The following HIVEP3 variants were observed in gnomAD, a reference collection of about 807,000 sequenced individuals.
HIVEP3 encodes transcription factor HIVEP3.
HIVEP3 carries 49 observed loss-of-function variants against 152.8 expected under a neutral mutation model. The observed-to-expected ratio is 0.32, with a 90% CI of 0.26 to 0.41. HIVEP3 has a LOEUF of 0.41. Ranked by LOEUF, HIVEP3 falls within the 10% of genes least tolerant of loss-of-function variation. The probability of loss-of-function intolerance (pLI) is 1.00; values close to 1 mark genes in which losing one functional copy is unlikely to be tolerated. For synonymous variants in HIVEP3, 1,269 were observed against 1,289.0 expected, an observed-to-expected ratio of 0.98 and a Z score of 0.33; for missense variants, 2,790 against 3,103.3, an observed-to-expected ratio of 0.90 and a Z score of 2.40.
At chr1:41,882,957 G>A (rs542423153) in intron 1 of HIVEP3, among the ~76,000 whole-genome samples, 4 of 152,268 alleles carry the variant, frequency 2.6e-5, no homozygotes, top group African/African-American at 9.6e-5. Flanking sequence ...CTGGCTTTCT[G>A]TCTAGAAATT....
chr1:41,913,510 C>T (rs1357976133), intron 1 of HIVEP3, among the ~76,000 whole-genome samples: 5 of 152,158 alleles, frequency 3.3e-5, no homozygotes, highest in African/African-American at 1.2e-4. Flanking sequence ...GATCCTCCCG[C>T]CTCTGTCTCC....
intron 1 of HIVEP3, among the ~76,000 whole-genome samples, chr1:41,962,082 T>C (rs1377555214): frequency 6.6e-6 from 1 of 152,174 alleles, no homozygotes; most frequent in Admixed American, 6.5e-5. Context: ...ATTGGAGGGG[T>C]ACTGATGCAT....
At chr1:41,573,048 CT>C (rs1644273739) in intron 5 of HIVEP3, among the ~76,000 whole-genome samples, 1 of 152,214 alleles carries the variant, frequency 6.6e-6, no homozygotes, top group Non-Finnish European at 1.5e-5. Context: ...TTTCTTCTTC[CT>C]CTCTCAGCCT....
chr1:41,545,433 A>G (rs1346883368), intron 5 of HIVEP3, among the ~76,000 whole-genome samples: 2 of 138,160 alleles, frequency 1.4e-5, no homozygotes, highest in Non-Finnish European at 3.1e-5. Flanking sequence ...AATCACCACC[A>G]CCACCACCTC....
chr1:41,552,575 C>G (rs1336060298), intron 5 of HIVEP3, among the ~76,000 whole-genome samples: 1 of 144,508 alleles, frequency 6.9e-6, no homozygotes, highest in Non-Finnish European at 1.5e-5. Flanking sequence ...GCATAGTATT[C>G]CATAGTGTAT....
intron 1 of HIVEP3, among the ~76,000 whole-genome samples, chr1:41,853,833 A>C (rs1643674637): frequency 6.6e-6 from 1 of 152,164 alleles, no homozygotes; most frequent in African/African-American, 2.4e-5. Context: ...CAAGCTACCC[A>C]GGGTCTCCAC....
In HIVEP3 at chr1:41,835,923, C is replaced by T. The variant is rs1157271059; in HGVS notation, c.-801+82490G>A. On this transcript the variant is annotated intron_variant, in intron 1 of 8. Coordinates refer to ENST00000372583, the MANE Select transcript of HIVEP3 (RefSeq NM_024503.5). The stretch of plus-strand genomic sequence containing the variant: ...AAAAGATTATTTTTTATGTTCCTCA[C>T]ACTTTCACCAAAAGAAACAGATACC... 5.9e-5 allele frequency among the ~76,000 whole-genome samples: 9 copies of T among 152,322 alleles called. No homozygotes were observed. In the East Asian group the frequency reaches 9.6e-4, roughly 16 times the overall value.
chr1:41,581,302 G>A lies in HIVEP3; in HGVS notation c.3496C>T (p.Gln1166Ter), dbSNP rs1644403074. The A allele has an allele frequency of 6.2e-7, 1 of 1,612,928 alleles. No individual in the cohort carries two copies. The highest frequency in any genetic ancestry group is 8.5e-7 in the Non-Finnish European group (1 of 1,179,500). Residue 1166 changes from glutamine to a stop codon, truncating the protein, a stop_gained, in exon 4 of 9, where the codon CAG becomes TAG. Coordinates refer to ENST00000372583, the MANE Select transcript of HIVEP3 (RefSeq NM_024503.5). LOFTEE classifies it high-confidence loss of function. This position sits in a 1 kb window ranked among gnomAD's most constrained non-coding sequence, Gnocchi z 4.5. Reference sequence around the variant, plus strand: ...GAGGACAGGAGGCTGGACATGGCCTGGGTGGAGAAGAATTCTGGAGACTGT... The same window carrying A: ...GAGGACAGGAGGCTGGACATGGCCTAGGTGGAGAAGAATTCTGGAGACTGT... Reference protein sequence around the residue: ...PGQSPEFFSTQAMSSLLSSPY... With the variant: ...PGQSPEFFST
intron 2 of HIVEP3, among the ~76,000 whole-genome samples, chr1:41,678,648 C>T (rs2124085671): frequency 6.6e-6 from 1 of 152,194 alleles, no homozygotes; most frequent in Admixed American, 6.5e-5. Flanking sequence ...ATCAAAGCAA[C>T]TTGGAGAGAA....
At chr1:41,835,881 T>C (rs1408830871) in intron 1 of HIVEP3, among the ~76,000 whole-genome samples, 1 of 152,198 alleles carries the variant, frequency 6.6e-6, no homozygotes, top group Non-Finnish European at 1.5e-5. Flanking sequence ...TCACTATAGA[T>C]AGAGTATTAT....
intron 1 of HIVEP3, among the ~76,000 whole-genome samples, chr1:41,839,441 C>G (rs1369873121): frequency 6.6e-6 from 1 of 152,206 alleles, no homozygotes; most frequent in Non-Finnish European, 1.5e-5. Flanking sequence ...CAGGACTCTG[C>G]AGCAGCAACT....
chr1:41,944,420 GGAAGAGACGGCTTTTTGCTTA>G (rs1386332695), intron 1 of HIVEP3, among the ~76,000 whole-genome samples: 2 of 152,118 alleles, frequency 1.3e-5, no homozygotes, highest in African/African-American at 4.8e-5. Context: ...GATCACCTAG[GGAAGAGACGGCTTTTTGCTTA>G]GAACATGGTA....
intron 2 of HIVEP3, among the ~76,000 whole-genome samples, chr1:41,650,271 T>C (rs1213714589): frequency 6.6e-6 from 1 of 152,010 alleles, no homozygotes; most frequent in African/African-American, 2.4e-5. Context: ...GGCAGACACG[T>C]GGGCGGTGAC....
intron 2 of HIVEP3, among the ~76,000 whole-genome samples, chr1:41,645,560 C>A (rs1407027466): frequency 6.6e-6 from 1 of 152,212 alleles, no homozygotes; most frequent in African/African-American, 2.4e-5. Context: ...GGCTTCTGGC[C>A]ATCCCCTGCA....
chr1:41,751,014 C>T (rs1274824973), intron 1 of HIVEP3, among the ~76,000 whole-genome samples: 1 of 152,146 alleles, frequency 6.6e-6, no homozygotes, highest in South Asian at 2.1e-4. Flanking sequence ...GCACCGCACC[C>T]GGCCCCCAGT....
rs1646225471 is a variant in HIVEP3, at chr1:41,693,395, ATGTG to A, written c.-721+7517_-721+7520del. Among the ~76,000 whole-genome samples, 4 of 152,254 alleles carry A rather than the reference ATGTG, an allele frequency of 2.6e-5. No individual in the cohort carries two copies. The South Asian group carries it at 8.3e-4, about 32-fold the overall frequency. ...CCCCAAAGGACACTTTGATTGTTTA[ATGTG>A]TCTCCTTTGCCCCTGGGTGATGACT... On this transcript the variant is annotated intron_variant, in intron 2 of 8. Transcript: ENST00000372583.
chr1:41,835,064 T>C (rs1400001273), intron 1 of HIVEP3, among the ~76,000 whole-genome samples: 1 of 152,182 alleles, frequency 6.6e-6, no homozygotes, highest in Non-Finnish European at 1.5e-5. Flanking sequence ...GGTGAGGCCA[T>C]CTGGTTTACA....
chr1:41,976,782 G>A lies in HIVEP3; in HGVS notation n.120-58258C>T, dbSNP rs1266010246. On this transcript the variant is annotated intron_variant and non_coding_transcript_variant, in intron 1 of 3. Transcript: ENST00000489103. The stretch of plus-strand genomic sequence containing the variant: ...AAAGGGGAAATGTGAACATAGACAC[G>A]CACTCAGGGAGGACGCCATGTTATG... 2.0e-5 allele frequency among the ~76,000 whole-genome samples: 3 copies of A among 152,114 alleles called. No individual in the cohort carries two copies. The East Asian group carries it at 5.8e-4, about 29-fold the overall frequency.
At chr1:41,867,217 G>T (rs1570700243) in intron 1 of HIVEP3, among the ~76,000 whole-genome samples, 1 of 152,118 alleles carries the variant, frequency 6.6e-6, no homozygotes, top group African/African-American at 2.4e-5. Flanking sequence ...TCCAGGAGTG[G>T]CATGAAATGA....
Sources: gnomAD v4.1 joint callset for allele counts (sites outside exome capture counted in the v4.1 genomes callset) on GRCh38, gnomAD v4.1.1 for gene constraint, Gnocchi (gnomAD v3.1) non-coding constraint, MANE v1.5 for transcripts, NCBI Gene and HGNC (gene_info 2026-07-23, HGNC 2026-07-21) for gene names.